Variants in SGCZ observed in about 807,000 individuals in gnomAD.
The protein encoded by SGCZ is sarcoglycan zeta, also known as zeta-sarcoglycan.
SGCZ carries 40 observed loss-of-function variants against 41.3 expected under a neutral mutation model. The observed-to-expected ratio is 0.97, with a 90% CI of 0.75 to 1.26. SGCZ has a LOEUF of 1.26. Ranked by LOEUF, SGCZ falls within the 50% of genes most tolerant of loss-of-function variation. The probability of loss-of-function intolerance (pLI) is 0.00; values close to 1 mark genes in which losing one functional copy is unlikely to be tolerated. For missense variants in SGCZ, 552 were observed against 369.8 expected, an observed-to-expected ratio of 1.49 and a Z score of -4.04; for synonymous variants, 206 against 137.5, an observed-to-expected ratio of 1.50 and a Z score of -3.49.
intron 1 of SGCZ, among the ~76,000 whole-genome samples, chr8:14,602,896 A>G (rs1805637751): frequency 6.6e-6 from 1 of 152,228 alleles, no homozygotes; most frequent in Non-Finnish European, 1.5e-5. Context: ...AAGTAACACT[A>G]TCAACTAAGG....
intron 3 of SGCZ, among the ~76,000 whole-genome samples, chr8:14,323,520 G>T: frequency 6.6e-6 from 1 of 151,902 alleles, no homozygotes; most frequent in East Asian, 1.9e-4. Flanking sequence ...ATGTACATAA[G>T]CCAAAATGAA....
At chr8:15,030,130 G>A (rs1803604955) in intron 1 of SGCZ, among the ~76,000 whole-genome samples, 1 of 152,126 alleles carries the variant, frequency 6.6e-6, no homozygotes, top group Non-Finnish European at 1.5e-5. Flanking sequence ...TAGCAGCATT[G>A]TGTACAAGAT....
chr8:14,318,816 C>G (rs945559741), intron 3 of SGCZ, among the ~76,000 whole-genome samples: 2 of 151,822 alleles, frequency 1.3e-5, no homozygotes, highest in Non-Finnish European at 2.9e-5. Context: ...TAAGTAAGTG[C>G]TTCAATCATT....
intron 1 of SGCZ, among the ~76,000 whole-genome samples, chr8:15,227,368 A>ATTTTGAAAG (rs944734711): frequency 6.6e-6 from 1 of 152,216 alleles, no homozygotes; most frequent in Non-Finnish European, 1.5e-5. Context: ...CATAGAAAAT[A>ATTTTGAAAG]TTTTGAAAGT....
intron 1 of SGCZ, among the ~76,000 whole-genome samples, chr8:14,665,475 G>T (rs1387033992): frequency 6.6e-6 from 1 of 152,096 alleles, no homozygotes; most frequent in African/African-American, 2.4e-5. Context: ...GTAAACATAC[G>T]TGTGCGTGTC....
intron 1 of SGCZ, among the ~76,000 whole-genome samples, chr8:15,157,375 C>G (rs17434807): frequency 6.6e-6 from 1 of 151,274 alleles, no homozygotes; most frequent in African/African-American, 2.4e-5. Flanking sequence ...CTGCAGATTA[C>G]GCCACTGTAC....
At chr8:14,866,301 G>A (rs182222844) in intron 1 of SGCZ, among the ~76,000 whole-genome samples, 91 of 144,794 alleles carry the variant, frequency 6.3e-4, no homozygotes, top group African/African-American at 1.8e-3. Flanking sequence ...ACCTTCTCTC[G>A]GGGCCAATCA....
At chr8:14,399,438 GT>G (rs1799010346) in intron 2 of SGCZ, among the ~76,000 whole-genome samples, 1 of 151,922 alleles carries the variant, frequency 6.6e-6, no homozygotes, top group African/African-American at 2.4e-5. Context: ...CTGGACTTCT[GT>G]TTTTTAAAAT....
At chr8:14,496,153 A>C (rs1801982031) in intron 2 of SGCZ, among the ~76,000 whole-genome samples, 1 of 150,804 alleles carries the variant, frequency 6.6e-6, no homozygotes, top group Non-Finnish European at 1.5e-5. Flanking sequence ...GCAGCCTCAA[A>C]CTCTTGGCCT....
chr8:14,775,222 G>T (rs1238202969), intron 1 of SGCZ, among the ~76,000 whole-genome samples: 1 of 152,064 alleles, frequency 6.6e-6, no homozygotes, highest in Non-Finnish European at 1.5e-5. Flanking sequence ...TGATTGAGTT[G>T]TTTCCAGACC....
At chr8:14,387,985 T>C (rs1336112374) in intron 2 of SGCZ, among the ~76,000 whole-genome samples, 1 of 152,120 alleles carries the variant, frequency 6.6e-6, no homozygotes, top group Non-Finnish European at 1.5e-5. Flanking sequence ...TAGAACCTTG[T>C]GATTAATCAT....
At chr8:14,922,383 A>G (rs994970019) in intron 1 of SGCZ, among the ~76,000 whole-genome samples, 2 of 152,198 alleles carry the variant, frequency 1.3e-5, no homozygotes, top group Non-Finnish European at 2.9e-5. Flanking sequence ...AATTATTTAT[A>G]TAAATAAATA....
At chr8:15,237,499 G>T in intron 1 of SGCZ, 86 bp downstream of exon 1, 1 of 1,485,424 alleles carries the variant, frequency 6.7e-7, no homozygotes, top group Non-Finnish European at 9.2e-7. Flanking sequence ...CAACTACTCC[G>T]CGCCGCTGGA....
chr8:14,896,158 G>A (rs1805191228), intron 1 of SGCZ, among the ~76,000 whole-genome samples: 1 of 152,152 alleles, frequency 6.6e-6, no homozygotes, highest in Non-Finnish European at 1.5e-5. Context: ...TTACATTTTT[G>A]TCTTATTTTG....
intron 5 of SGCZ, among the ~76,000 whole-genome samples, chr8:14,135,073 C>T (rs892541802): frequency 2.0e-5 from 3 of 151,940 alleles, no homozygotes; most frequent in Non-Finnish European, 2.9e-5. Context: ...ATTGTCTAAC[C>T]TTTTAAAGAA....
At chr8:14,116,659 T>G (rs1324286326) in intron 5 of SGCZ, among the ~76,000 whole-genome samples, 1 of 152,120 alleles carries the variant, frequency 6.6e-6, no homozygotes, top group Non-Finnish European at 1.5e-5. Flanking sequence ...TTACCTTTTG[T>G]TGCTCAAGGT....
At chr8:14,841,983 T>G (rs1418103634) in intron 1 of SGCZ, among the ~76,000 whole-genome samples, 2 of 152,256 alleles carry the variant, frequency 1.3e-5, no homozygotes, top group East Asian at 3.9e-4. Context: ...CTGAATTATG[T>G]GGGTATAAGT....
chr8:14,820,269 A>G (rs955573979), intron 1 of SGCZ, among the ~76,000 whole-genome samples: 4 of 152,050 alleles, frequency 2.6e-5, no homozygotes, highest in African/African-American at 7.2e-5. Flanking sequence ...CTGAAGAGAC[A>G]TCATTATACA....
At chr8:15,132,699 G>A (rs761028380) in intron 1 of SGCZ, among the ~76,000 whole-genome samples, 14 of 152,164 alleles carry the variant, frequency 9.2e-5, no homozygotes, top group Non-Finnish European at 4.4e-5. Flanking sequence ...TTGAAAGCCA[G>A]TTGCTACATT....
Sources: allele counts gnomAD v4.1 joint callset (sites outside exome capture counted in the v4.1 genomes callset), GRCh38; gene constraint gnomAD v4.1.1; transcripts MANE v1.5; gene names NCBI Gene and HGNC (gene_info 2026-07-23, HGNC 2026-07-21).